DDR2: variants seen among roughly 807,000 people sequenced by gnomAD.
The protein encoded by DDR2 is discoidin domain-containing receptor 2.
In DDR2, 27 loss-of-function variants were observed where a neutral mutation model predicts 94.9. The ratio of observed to expected loss-of-function variants is 0.28; its 90% CI spans 0.21 to 0.39. DDR2 has a LOEUF of 0.39. DDR2 is among the 10% of genes least tolerant of loss of function. DDR2 has a pLI of 1.00. For synonymous variants in DDR2, 382 were observed against 377.2 expected, an observed-to-expected ratio of 1.01 and a Z score of -0.15; for missense variants, 783 against 1,076.0, an observed-to-expected ratio of 0.73 and a Z score of 3.81.
At chr1:162,640,430 A>G (rs775793778) in intron 1 of DDR2, among the ~76,000 whole-genome samples, 10 of 152,162 alleles carry the variant, frequency 6.6e-5, no homozygotes, top group Non-Finnish European at 1.5e-4. Flanking sequence ...GGATGTCAAT[A>G]GTGAGGGAGG....
intron 2 of DDR2, among the ~76,000 whole-genome samples, chr1:162,678,016 G>A (rs1659221878): frequency 6.6e-6 from 1 of 152,170 alleles, no homozygotes; most frequent in African/African-American, 2.4e-5. Context: ...TTGTAGGGAA[G>A]AGGGAGAGTG....
intron 2 of DDR2, among the ~76,000 whole-genome samples, chr1:162,686,281 T>C (rs952272937): frequency 6.6e-6 from 1 of 152,170 alleles, no homozygotes; most frequent in Non-Finnish European, 1.5e-5. Flanking sequence ...GCATGTGCCA[T>C]AGTGGTTTGC....
At chr1:162,733,048 T>C (rs775741357) in intron 3 of DDR2, among the ~76,000 whole-genome samples, 13 of 152,104 alleles carry the variant, frequency 8.5e-5, no homozygotes, top group Non-Finnish European at 1.5e-4. Context: ...GTCCGGGAGA[T>C]TGGTGGGTAG....
upstream of DDR2, chr1:162,631,286 T>G (rs1656550557): frequency 6.6e-6 from 1 of 152,020 alleles, no homozygotes; most frequent in Non-Finnish European, 1.5e-5. Context: ...GGAACGTTCC[T>G]CCATGATCTC....
intron 1 of DDR2, among the ~76,000 whole-genome samples, chr1:162,651,446 G>C (rs1422574200): frequency 2.0e-4 from 31 of 152,086 alleles, no homozygotes; most frequent in Admixed American, 2.0e-3. Context: ...CTCAAATAAT[G>C]GCTCCTCACT....
chr1:162,695,535 A>G (rs1418818708), intron 2 of DDR2, among the ~76,000 whole-genome samples: 2 of 152,128 alleles, frequency 1.3e-5, no homozygotes, highest in African/African-American at 4.8e-5. Context: ...CCAGCCAGAA[A>G]GCCGTGATTT....
At chr1:162,741,503 T>C in intron 3 of DDR2, 1 of 773,062 alleles carries the variant, frequency 1.3e-6, no homozygotes, top group Non-Finnish European at 1.6e-6. Context: ...GCCAACTACA[T>C]AGGGTTATTG....
intron 2 of DDR2, among the ~76,000 whole-genome samples, chr1:162,660,141 C>G (rs544886146): frequency 3.3e-4 from 50 of 152,252 alleles, no homozygotes; most frequent in Non-Finnish European, 6.3e-4. Context: ...AGTCTCTCTT[C>G]TAGACTTTCA....
chr1:162,672,798 A>C lies in DDR2; in HGVS notation c.-28+17424A>C, dbSNP rs555068502. Among the ~76,000 whole-genome samples, 13 of 152,226 alleles carry C rather than the reference A, an allele frequency of 8.5e-5. No individual in the cohort carries two copies. In the East Asian group the frequency reaches 2.5e-3, roughly 29 times the overall value. ...TTCCAATGTTCTGGCGGCCATTCTC[A>C]TGAGGATGGACTGTGCTGACTGATC... is the stretch of plus-strand genomic sequence containing the variant. On this transcript the variant is annotated intron_variant, in intron 2 of 17. Coordinates refer to ENST00000367921, the MANE Select transcript of DDR2 (RefSeq NM_006182.4).
chr1:162,767,807 G>GGTGTGTGTGCTTGT (rs1664073168), intron 11 of DDR2, among the ~76,000 whole-genome samples: 1 of 149,460 alleles, frequency 6.7e-6, no homozygotes. Flanking sequence ...TTGTCTGTTT[G>GGTGTGTGTGCTTGT]GTGTGTGTGT....
chr1:162,754,475 G>A, intron 4 of DDR2, 149 bp from the exon 5 acceptor site: 1 of 741,780 alleles, frequency 1.3e-6, no homozygotes, highest in South Asian at 1.5e-5. Context: ...GTACTGTGGT[G>A]GCAGTGAAAA....
At chr1:162,669,213 G>T (rs1320802964) in intron 2 of DDR2, among the ~76,000 whole-genome samples, 1 of 152,080 alleles carries the variant, frequency 6.6e-6, no homozygotes, top group African/African-American at 2.4e-5. Flanking sequence ...CTCAATGTAA[G>T]CAACTTATTA....
chr1:162,674,667 A>T (rs568330856), intron 2 of DDR2, among the ~76,000 whole-genome samples: 1 of 152,336 alleles, frequency 6.6e-6, no homozygotes, highest in Non-Finnish European at 1.5e-5. Flanking sequence ...TCTTTTGGAC[A>T]CACAATTTAG....
At chr1:162,733,926 T>C (rs1364241484) in intron 3 of DDR2, among the ~76,000 whole-genome samples, 2 of 152,196 alleles carry the variant, frequency 1.3e-5, no homozygotes, top group African/African-American at 4.8e-5. Context: ...CTTCGTCACA[T>C]TATCTGAATA....
In DDR2 at chr1:162,772,031, C is replaced by A. The variant is rs199900233; in HGVS notation, c.1512C>A (p.Ser504Arg). ...TTGCCCTTGTCTTCCCAGGCTGCAGCGGTGTTGTGAAGCCAGTCCAGCCCA... is the reference window on the plus strand; with the variant it reads ...TTGCCCTTGTCTTCCCAGGCTGCAGAGGTGTTGTGAAGCCAGTCCAGCCCA... ...FAPGEEESGC[S>R]GVVKPVQPSG... The change falls in exon 13 of 18, where the codon AGC becomes AGA. Residue 504 changes from serine (S) to arginine (R), a missense_variant. Around this residue, in one of 2 missense-constraint regions of DDR2, gnomAD observed 519 missense variants for 647.9 expected, o/e 0.80. Transcript: ENST00000367921. 7.5e-6 allele frequency: 12 copies of A among 1,606,116 alleles called. No homozygotes were observed. In the African/African-American group the frequency reaches 1.5e-4, roughly 20 times the overall value.
intron 3 of DDR2, among the ~76,000 whole-genome samples, chr1:162,729,033 C>T (rs1357801300): frequency 6.6e-6 from 1 of 151,726 alleles, no homozygotes; most frequent in African/African-American, 2.4e-5. Flanking sequence ...ATATCAAAGA[C>T]TGTGATTTGT....
intron 16 of DDR2, 76 bp from the exon 17 acceptor site, chr1:162,778,504 G>A (rs1647714194): frequency 6.3e-7 from 1 of 1,579,628 alleles, no homozygotes; most frequent in Non-Finnish European, 8.7e-7. Context: ...GGGTATAGCT[G>A]CAGATTATGA....
intron 3 of DDR2, among the ~76,000 whole-genome samples, chr1:162,739,311 C>T (rs1186062853): frequency 6.6e-6 from 1 of 151,962 alleles, no homozygotes; most frequent in Non-Finnish European, 1.5e-5. Flanking sequence ...CATGAACAGA[C>T]ACTTCTCGTT....
intron 3 of DDR2, among the ~76,000 whole-genome samples, chr1:162,750,739 C>G (rs1663146542): frequency 6.6e-6 from 1 of 152,180 alleles, no homozygotes; most frequent in Non-Finnish European, 1.5e-5. Context: ...TACTTGACTT[C>G]AAACTATACT....
Sources: gnomAD v4.1 joint callset for allele counts (sites outside exome capture counted in the v4.1 genomes callset) on GRCh38, gnomAD v4.1.1 for gene constraint, gnomAD v4.1.1 regional missense constraint, MANE v1.5 for transcripts, NCBI Gene and HGNC (gene_info 2026-07-23, HGNC 2026-07-21) for gene names.